Variants in RPS6KA2 observed in about 807,000 individuals in gnomAD.
RPS6KA2 encodes the protein ribosomal protein S6 kinase alpha-2.
In RPS6KA2, 42 loss-of-function variants were observed where a neutral mutation model predicts 91.8. The observed-to-expected ratio is 0.46, with a 90% confidence interval of 0.36 to 0.59. The LOEUF (loss-of-function observed/expected upper bound fraction) is 0.59. Ranked by LOEUF, RPS6KA2 falls within the 20% of genes least tolerant of loss-of-function variation. The probability of loss-of-function intolerance (pLI) is 0.00; values close to 1 mark genes in which losing one functional copy is unlikely to be tolerated. For missense variants in RPS6KA2, 798 were observed against 978.5 expected (o/e 0.82, Z 2.46); for synonymous variants, 414 against 393.6 (o/e 1.05, Z -0.61).
chr6:166,418,314 C>T lies in RPS6KA2; in HGVS notation c.1849G>A (p.Asp617Asn), dbSNP rs1198195311. 4 of 1,613,192 alleles carry T rather than the reference C, an allele frequency of 2.5e-6. No individual in the cohort carries two copies. Among genetic ancestry groups the T allele is most frequent in the African/African-American group, 2.7e-5 (2 of 74,868 alleles). Residue 617 changes from aspartate (D) to asparagine (N), a missense_variant, in exon 19 of 21, where the codon GAT becomes AAT. Transcript: ENST00000265678. The surrounding 1 kb of genome is among the most constrained non-coding windows in gnomAD (Gnocchi z 4.9). ...GFTPFANGPDDTPEEILARIG... is the reference protein window; with the variant it reads ...GFTPFANGPDNTPEEILARIG... ...CGCGCCAGAATCTCCTCAGGGGTAT[C>T]GTCTGGCCCATTTGCAAAAGGGGTA...
intron 2 of RPS6KA2, among the ~76,000 whole-genome samples, chr6:166,714,791 T>C (rs1167248353): frequency 2.0e-5 from 3 of 152,230 alleles, no homozygotes; most frequent in Non-Finnish European, 2.9e-5. Context: ...ACAGAGTCCC[T>C]TGCTTGGCCA....
chr6:166,459,778 T>C lies in RPS6KA2; in HGVS notation c.973-227A>G, dbSNP rs1466726313. Among the ~76,000 whole-genome samples, 2 of 152,254 alleles carry C rather than the reference T, an allele frequency of 1.3e-5. No individual in the cohort carries two copies. The highest frequency in any genetic ancestry group is 2.9e-5 in the Non-Finnish European group (2 of 68,052). The stretch of plus-strand genomic sequence containing the variant: ...TGGCATATATAATAACGATGTATTA[T>C]AGAAAGGTATAGAAAAGGCATAGTT... On this transcript the variant is annotated intron_variant, in intron 11 of 20. Transcript: ENST00000265678. This position sits in a 1 kb window ranked among gnomAD's most constrained non-coding sequence, Gnocchi z 4.9.
At chr6:166,561,743 C>G (rs1784351267) in intron 1 of RPS6KA2, among the ~76,000 whole-genome samples, 1 of 152,034 alleles carries the variant, frequency 6.6e-6, no homozygotes, top group African/African-American at 2.4e-5. Flanking sequence ...TTTGGCTTTC[C>G]TGGGCCACAC....
At chr6:166,681,528 C>G (rs985898576) in intron 2 of RPS6KA2, among the ~76,000 whole-genome samples, 1 of 152,092 alleles carries the variant, frequency 6.6e-6, no homozygotes, top group Non-Finnish European at 1.5e-5. Context: ...GTGACCAGTG[C>G]TGATCGGTGG....
chr6:166,617,124 C>A (rs919728359), intron 1 of RPS6KA2, among the ~76,000 whole-genome samples: 1 of 152,182 alleles, frequency 6.6e-6, no homozygotes, highest in Non-Finnish European at 1.5e-5. Flanking sequence ...AGAAACTCAG[C>A]GTCAGGAGTC....
chr6:166,676,081 C>T (rs1378952156), intron 2 of RPS6KA2, among the ~76,000 whole-genome samples: 2 of 151,952 alleles, frequency 1.3e-5, no homozygotes, highest in East Asian at 1.9e-4. Context: ...TTTGGGAGGC[C>T]GAGGGGGGAT....
chr6:166,571,901 T>C (rs1484440548), intron 1 of RPS6KA2, among the ~76,000 whole-genome samples: 1 of 152,136 alleles, frequency 6.6e-6, no homozygotes, highest in Non-Finnish European at 1.5e-5. Flanking sequence ...CAGGGACAAA[T>C]ACTTCTGTGT....
At position 166,635,716 on chromosome 6, in the gene RPS6KA2, C is replaced by G. The variant is rs952760451; in HGVS notation, c.124-96932G>C. ...TGGCAGGAGGATGCCATGAGCATCA[C>G]CTGGGTGTGTCTGCAGAAGGACGTT... is the stretch of plus-strand genomic sequence containing the variant. On this transcript the variant is annotated intron_variant, in intron 2 of 21. Coordinates refer to the RPS6KA2 transcript ENST00000503859. The surrounding 1 kb of genome is among the most constrained non-coding windows in gnomAD (Gnocchi z 4.8). Among the ~76,000 whole-genome samples the G allele has an allele frequency of 2.0e-5, 3 of 152,110 alleles. No homozygotes were observed. Among genetic ancestry groups the G allele is most frequent in the African/African-American group, 7.2e-5 (3 of 41,416 alleles).
intron 2 of RPS6KA2, among the ~76,000 whole-genome samples, chr6:166,773,304 G>A (rs1374090887): frequency 6.6e-6 from 1 of 152,174 alleles, no homozygotes; most frequent in East Asian, 1.9e-4. Flanking sequence ...CCCTAATGAG[G>A]GGCTTTCCAT....
intron 3 of RPS6KA2, among the ~76,000 whole-genome samples, chr6:166,523,232 C>T (rs1782918708): frequency 6.6e-6 from 1 of 152,158 alleles, no homozygotes; most frequent in African/African-American, 2.4e-5. Flanking sequence ...GAGATCGTAC[C>T]TTACAAAGGG....
At chr6:166,663,992 A>G (rs1788243275) in intron 2 of RPS6KA2, among the ~76,000 whole-genome samples, 1 of 152,222 alleles carries the variant, frequency 6.6e-6, no homozygotes, top group African/African-American at 2.4e-5. Context: ...GGCCACCTCT[A>G]CCCATCTCAT....
At chr6:166,746,450 T>C (rs1791016242) in intron 2 of RPS6KA2, among the ~76,000 whole-genome samples, 1 of 152,166 alleles carries the variant, frequency 6.6e-6, no homozygotes, top group Non-Finnish European at 1.5e-5. Flanking sequence ...AATACCACAT[T>C]TCACCTGCAG....
intron 2 of RPS6KA2, among the ~76,000 whole-genome samples, chr6:166,753,777 G>A (rs1358513212): frequency 1.3e-5 from 2 of 152,196 alleles, no homozygotes; most frequent in Non-Finnish European, 2.9e-5. Flanking sequence ...ATGAAACTGG[G>A]AAAATACACT....
intron 2 of RPS6KA2, among the ~76,000 whole-genome samples, chr6:166,850,642 G>A (rs986287068): frequency 6.6e-6 from 1 of 152,124 alleles, no homozygotes; most frequent in African/African-American, 2.4e-5. Context: ...ACGCAGCCTC[G>A]GCCAGAGTCA....
intron 2 of RPS6KA2, among the ~76,000 whole-genome samples, chr6:166,694,358 A>G (rs574266800): frequency 1.5e-3 from 221 of 152,354 alleles, no homozygotes; most frequent in African/African-American, 4.8e-3. Flanking sequence ...CATATTGTTT[A>G]GAAGACTCTG....
At chr6:166,644,518 C>T (rs1012091936) in intron 2 of RPS6KA2, among the ~76,000 whole-genome samples, 1 of 152,194 alleles carries the variant, frequency 6.6e-6, no homozygotes, top group Non-Finnish European at 1.5e-5. Context: ...CCAGGAGCAA[C>T]TGCTTTAGCT....
At chr6:166,794,599 C>A (rs1450015734) in intron 2 of RPS6KA2, among the ~76,000 whole-genome samples, 2 of 149,934 alleles carry the variant, frequency 1.3e-5, no homozygotes, top group African/African-American at 4.9e-5. Flanking sequence ...AGACTTGGAA[C>A]CAACCCAAAT....
chr6:166,412,677 T>A lies in RPS6KA2; in HGVS notation c.*85A>T, dbSNP rs1446148298. On this transcript the variant is annotated 3_prime_UTR_variant, in exon 21 of 21. Coordinates refer to ENST00000265678, the MANE Select transcript of RPS6KA2 (RefSeq NM_021135.6). This position sits in a 1 kb window ranked among gnomAD's most constrained non-coding sequence, Gnocchi z 4.3. ...GCCTCCCTGCTGGACTTGTGGTCAC[T>A]CTGGGTGCCAGACGGGCTCCGAGGC... The A allele has an allele frequency of 1.5e-6, 2 of 1,374,162 alleles. No homozygotes were observed. The highest frequency in any genetic ancestry group is 2.9e-5 in the African/African-American group (2 of 69,670). 85.1% of individuals were successfully genotyped at this position (1,374,162 alleles called of 1,614,324 possible).
At chr6:166,504,328 C>G (rs71571444) in intron 6 of RPS6KA2, among the ~76,000 whole-genome samples, 178 bp downstream of exon 6, 7 of 152,256 alleles carry the variant, frequency 4.6e-5, no homozygotes, top group Non-Finnish European at 8.8e-5. Flanking sequence ...AAGGCCACAC[C>G]TGCATCTGGG....
Sources: gnomAD v4.1 joint callset for allele counts (sites outside exome capture counted in the v4.1 genomes callset) on GRCh38, gnomAD v4.1.1 for gene constraint, Gnocchi (gnomAD v3.1) non-coding constraint, MANE v1.5 for transcripts, NCBI Gene and HGNC (gene_info 2026-07-23, HGNC 2026-07-21) for gene names.